Variants in SLC17A6 observed in about 807,000 individuals in gnomAD.
SLC17A6 encodes the protein solute carrier family 17 member 6.
A neutral mutation model predicts 67.1 loss-of-function variants in SLC17A6; 35 were observed. The ratio of observed to expected loss-of-function variants is 0.52; its 90% CI spans 0.40 to 0.69. SLC17A6 has a LOEUF of 0.69. SLC17A6 is among the 30% of genes least tolerant of loss of function. The probability of loss-of-function intolerance (pLI) is 0.00; values close to 1 mark genes in which losing one functional copy is unlikely to be tolerated. For missense variants in SLC17A6, 588 were observed against 723.9 expected, an observed-to-expected ratio of 0.81 and a Z score of 2.15; for synonymous variants, 285 against 252.3, an observed-to-expected ratio of 1.13 and a Z score of -1.23.
At chr11:22,365,258 C>T (rs192699535) in intron 6 of SLC17A6, among the ~76,000 whole-genome samples, 35 of 152,186 alleles carry the variant, frequency 2.3e-4, no homozygotes, top group African/African-American at 5.5e-4. Context: ...TAAGTATTGT[C>T]GGATGAATGA....
chr11:22,363,231 AG>A (rs969146691), intron 6 of SLC17A6, among the ~76,000 whole-genome samples: 3 of 122,566 alleles, frequency 2.4e-5, no homozygotes, highest in East Asian at 5.7e-4. Context: ...GAAAGCTGAA[AG>A]GGGGGGTGGA....
intron 3 of SLC17A6, among the ~76,000 whole-genome samples, chr11:22,346,819 A>T (rs1855882028): frequency 6.7e-6 from 1 of 148,226 alleles, no homozygotes; most frequent in South Asian, 2.1e-4. Context: ...TATATATATA[A>T]TATATGAAAT....
At chr11:22,377,095 A>G (rs1350705263) in intron 11 of SLC17A6, among the ~76,000 whole-genome samples, 1 of 152,226 alleles carries the variant, frequency 6.6e-6, no homozygotes, top group Non-Finnish European at 1.5e-5. Context: ...CTACAAGTAA[A>G]GAAACAAAGG....
At chr11:22,342,330 G>A (rs1313181104) in intron 2 of SLC17A6, among the ~76,000 whole-genome samples, 2 of 152,084 alleles carry the variant, frequency 1.3e-5, no homozygotes, top group Non-Finnish European at 2.9e-5. Context: ...GGAGGGTCAC[G>A]TCAAGGTCAC....
At chr11:22,348,972 G>A (rs1267409035) in intron 3 of SLC17A6, among the ~76,000 whole-genome samples, 1 of 152,118 alleles carries the variant, frequency 6.6e-6, no homozygotes, top group Non-Finnish European at 1.5e-5. Flanking sequence ...CAGTAAAGAT[G>A]TGCTTTTATT....
intron 7 of SLC17A6, among the ~76,000 whole-genome samples, chr11:22,366,383 T>C (rs970056313): frequency 3.3e-5 from 5 of 152,306 alleles, no homozygotes; most frequent in Middle Eastern, 3.4e-3. Context: ...TTAATACATG[T>C]GTATTTATGT....
At chr11:22,342,614 C>T (rs964858575) in intron 2 of SLC17A6, among the ~76,000 whole-genome samples, 3 of 152,154 alleles carry the variant, frequency 2.0e-5, no homozygotes, top group African/African-American at 4.8e-5. Context: ...CGGAATTAGA[C>T]CTCCCTTCAG....
rs1191894360 is a variant in SLC17A6 at position 22,341,612 on chromosome 11, G to T, written c.171G>T (p.Ala57=). The change falls in exon 2 of 12, where the codon GCG becomes GCT. Residue 57 remains alanine (A), a synonymous_variant. Transcript: ENST00000263160. The part of the protein sequence containing the change: ...GKPLEVPERK[A]PLCDCTCFGL... The stretch of plus-strand genomic sequence containing the variant: ...CCCTAGAGGTGCCCGAGAGGAAGGC[G>T]CCGCTGTGCGACTGCACGTGCTTCG... 7 of 1,614,026 alleles carry T rather than the reference G, an allele frequency of 4.3e-6. No homozygotes were observed. Among genetic ancestry groups the T allele is most frequent in the Middle Eastern group, 3.3e-4 (2 of 6,054 alleles).
At chr11:22,362,880 A>T in intron 6 of SLC17A6, 55 bp downstream of exon 6, 1 of 1,353,650 alleles carries the variant, frequency 7.4e-7, no homozygotes, top group South Asian at 1.2e-5. Flanking sequence ...GGCTAAAAGA[A>T]AATGGTTGCA....
chr11:22,359,268 A>C (rs1856022732), intron 3 of SLC17A6, 145 bp from the exon 4 acceptor site: 1 of 426,164 alleles, frequency 2.3e-6, no homozygotes, highest in African/African-American at 2.0e-5. Flanking sequence ...TTAAGTCCAG[A>C]ACATATATTA....
chr11:22,348,483 T>G (rs1855902659), intron 3 of SLC17A6, among the ~76,000 whole-genome samples: 1 of 152,164 alleles, frequency 6.6e-6, no homozygotes, highest in African/African-American at 2.4e-5. Context: ...ACTCCACACT[T>G]GATAATGACT....
intron 3 of SLC17A6, 142 bp from the exon 4 acceptor site, chr11:22,359,271 A>T (rs1255186560): frequency 9.2e-6 from 4 of 433,596 alleles, no homozygotes; most frequent in Non-Finnish European, 1.6e-5. Flanking sequence ...AGTCCAGAAC[A>T]TATATTAGAA....
chr11:22,345,879 A>T (rs532826792), intron 3 of SLC17A6, among the ~76,000 whole-genome samples: 1 of 152,216 alleles, frequency 6.6e-6, no homozygotes, highest in Non-Finnish European at 1.5e-5. Context: ...TATTATTAAC[A>T]TGGTGAATGT....
chr11:22,373,913 T>A (rs1255512473), intron 8 of SLC17A6, among the ~76,000 whole-genome samples: 2 of 152,206 alleles, frequency 1.3e-5, no homozygotes, highest in Non-Finnish European at 2.9e-5. Context: ...TGGAAAGACA[T>A]ACTTAAACAC....
At chr11:22,357,847 G>T (rs945430864) in intron 3 of SLC17A6, among the ~76,000 whole-genome samples, 1 of 152,204 alleles carries the variant, frequency 6.6e-6, no homozygotes. Flanking sequence ...CATCTATTTT[G>T]GGCAAACAGC....
At chr11:22,369,378 G>A (rs758492124) in intron 7 of SLC17A6, among the ~76,000 whole-genome samples, 8 of 151,932 alleles carry the variant, frequency 5.3e-5, no homozygotes, top group Non-Finnish European at 1.0e-4. Flanking sequence ...AACTAATTAT[G>A]TGCCAAAGGT....
intron 3 of SLC17A6, among the ~76,000 whole-genome samples, chr11:22,354,154 G>A (rs762882893): frequency 4.0e-5 from 6 of 151,852 alleles, no homozygotes; most frequent in Non-Finnish European, 7.4e-5. Context: ...CACGATCTCA[G>A]CTCACCACAA....
intron 11 of SLC17A6, 105 bp downstream of exon 11, chr11:22,376,777 C>G (rs1856237186): frequency 8.7e-7 from 1 of 1,154,752 alleles, no homozygotes; most frequent in Non-Finnish European, 1.3e-6. Context: ...TCTTTCTTGT[C>G]CAGTCACCAC....
At chr11:22,353,962 C>A (rs193008192) in intron 3 of SLC17A6, among the ~76,000 whole-genome samples, 25 of 152,274 alleles carry the variant, frequency 1.6e-4, no homozygotes, top group African/African-American at 5.5e-4. Flanking sequence ...AATTCTCAGG[C>A]CCCAAACACA....
Sources: gnomAD v4.1 joint callset for allele counts (sites outside exome capture counted in the v4.1 genomes callset) on GRCh38, gnomAD v4.1.1 for gene constraint, MANE v1.5 for transcripts, NCBI Gene and HGNC (gene_info 2026-07-23, HGNC 2026-07-21) for gene names.